Variants in FMR1 observed in about 807,000 individuals in gnomAD.
FMR1 encodes the protein fragile X messenger ribonucleoprotein 1.
In FMR1, 13 loss-of-function variants were observed where a neutral mutation model predicts 50.6. The observed-to-expected ratio is 0.26, with a 90% confidence interval of 0.17 to 0.41. The LOEUF (loss-of-function observed/expected upper bound fraction) is 0.41, where lower values mean the gene tolerates loss of function less well. Ranked by LOEUF, FMR1 falls within the 10% of genes least tolerant of loss-of-function variation. The pLI is 1.00. For missense variants in FMR1, 316 were observed against 491.3 expected (o/e 0.64, Z 3.37); for synonymous variants, 138 against 164.1 (o/e 0.84, Z 1.22).
rs1418702847 is a variant in FMR1, at chrX:147,938,107, G to A, written c.1134G>A (p.Val378=). Residue 378 remains valine, a synonymous_variant, in exon 12 of 17, where the codon GTG becomes GTA. Transcript: ENST00000370475. ...TCCTTATACTGCTTTAGGTGTTAGT[G>A]GCTTCATCAGTTGTAGCAGGGGAAT... The part of the protein sequence containing the change: ...PNSTKVQRVL[V]ASSVVAGESQ... The A allele has an allele frequency of 7.5e-6, 9 of 1,204,936 alleles. No homozygotes were observed. The South Asian group carries it at 1.4e-4, about 19-fold the overall frequency.
intron 12 of FMR1, among the ~76,000 whole-genome samples, chrX:147,938,831 T>A (rs1212947683): frequency 9.0e-6 from 1 of 111,684 alleles, no homozygotes; most frequent in Non-Finnish European, 1.9e-5. Context: ...AGCCCATTAT[T>A]CCAGAACACA....
intron 1 of FMR1, 27 bp from the exon 2 acceptor site, chrX:147,921,906 G>C: frequency 9.6e-7 from 1 of 1,046,972 alleles, no homozygotes; most frequent in Non-Finnish European, 1.3e-6. Flanking sequence ...AAGCTCACAA[G>C]TTAATTTAAC....
intron 14 of FMR1, 150 bp downstream of exon 14, chrX:147,943,476 A>C (rs902442602): frequency 1.9e-6 from 1 of 514,127 alleles, no homozygotes; most frequent in Non-Finnish European, 3.3e-6. Context: ...GGAGACATAG[A>C]GTAAAAACCT....
chrX:147,917,295 C>A (rs1437147504), intron 1 of FMR1, among the ~76,000 whole-genome samples: 3 of 111,873 alleles, frequency 2.7e-5, no homozygotes, highest in African/African-American at 9.8e-5. Context: ...GATGGACTTT[C>A]TGTCTTTGTT....
chrX:147,934,639 C>T (rs2043726781), intron 9 of FMR1, among the ~76,000 whole-genome samples: 1 of 111,584 alleles, frequency 9.0e-6, no homozygotes, highest in African/African-American at 3.3e-5. Flanking sequence ...CCTGTGGTTA[C>T]CTGGAAAGAA....
intron 14 of FMR1, 63 bp from the exon 15 acceptor site, chrX:147,944,806 G>A: frequency 1.9e-6 from 2 of 1,063,814 alleles, no homozygotes; most frequent in Non-Finnish European, 2.4e-6. Context: ...GGAAGCTTCT[G>A]TTAACCCTCT....
chrX:147,915,102 G>A (rs1557174866), intron 1 of FMR1, among the ~76,000 whole-genome samples: 1 of 111,482 alleles, frequency 9.0e-6, no homozygotes, highest in African/African-American at 3.3e-5. Context: ...GTTGTAATAT[G>A]GTGTAATTAT....
At chrX:147,924,619 C>T (rs1256967678) in intron 2 of FMR1, among the ~76,000 whole-genome samples, 4 of 106,016 alleles carry the variant, frequency 3.8e-5, no homozygotes, top group African/African-American at 1.4e-4. Flanking sequence ...TTGAGCTATC[C>T]TCCCACCTCA....
At chrX:147,932,090 C>T (rs534518883) in intron 7 of FMR1, among the ~76,000 whole-genome samples, 2 of 111,558 alleles carry the variant, frequency 1.8e-5, no homozygotes, top group African/African-American at 6.5e-5. Flanking sequence ...CTGGTTTTTA[C>T]TGGGGAACAT....
chrX:147,931,057 T>C (rs1569545695), intron 7 of FMR1: 1 of 111,703 alleles, frequency 9.0e-6, no homozygotes, highest in Non-Finnish European at 1.9e-5. Flanking sequence ...AGGGGAAAAG[T>C]TTAATCTCCT....
At chrX:147,935,938 C>T (rs1427568907) in intron 9 of FMR1, among the ~76,000 whole-genome samples, 1 of 111,801 alleles carries the variant, frequency 8.9e-6, no homozygotes, top group Admixed American at 9.5e-5. Flanking sequence ...AATTTGTATT[C>T]CTTTTGGATG....
intron 10 of FMR1, among the ~76,000 whole-genome samples, 200 bp downstream of exon 10, chrX:147,936,813 T>C (rs1210977700): frequency 8.9e-6 from 1 of 111,861 alleles, no homozygotes; most frequent in African/African-American, 3.2e-5. Flanking sequence ...TTAGTCACTT[T>C]ATTGAATTCT....
chrX:147,935,484 A>T (rs968202231), intron 9 of FMR1, among the ~76,000 whole-genome samples: 4 of 112,592 alleles, frequency 3.6e-5, no homozygotes, highest in Admixed American at 9.4e-5. Context: ...AAAAAATGGA[A>T]GATGAGATGG....
At chrX:147,921,418 C>T (rs1186866487) in intron 1 of FMR1, among the ~76,000 whole-genome samples, 1 of 110,368 alleles carries the variant, frequency 9.1e-6, no homozygotes, top group African/African-American at 3.3e-5. Flanking sequence ...GTGTTGTTTG[C>T]AGCATATGAT....
chrX:147,933,221 C>G (rs1471046265), intron 9 of FMR1, among the ~76,000 whole-genome samples: 1 of 110,592 alleles, frequency 9.0e-6, no homozygotes, highest in Non-Finnish European at 1.9e-5. Flanking sequence ...TAGTTCAAAC[C>G]TACTAATACC....
chrX:147,913,110 A>AT (rs1321208331), intron 1 of FMR1: 144 of 132,015 alleles, frequency 1.1e-3, no homozygotes, highest in Middle Eastern at 3.0e-3. Flanking sequence ...TTACTAGGGC[A>AT]TTTTTTTTTT....
chrX:147,919,575 C>T (rs2043055406), intron 1 of FMR1, among the ~76,000 whole-genome samples: 1 of 112,461 alleles, frequency 8.9e-6, no homozygotes, highest in South Asian at 3.6e-4. Flanking sequence ...GATTTCTCCC[C>T]TTTTGAACCA....
chrX:147,949,785 CTT>C lies in FMR1; in HGVS notation c.*951_*952del, dbSNP rs782514950. 1.8e-5 allele frequency: 5 copies of C among 279,875 alleles called. No homozygotes were observed. The highest frequency in any genetic ancestry group is 8.8e-5 in the African/African-American group (3 of 34,000). The allele number at this position is 279,875 out of a possible 1,213,427, so 23.1% of individuals were successfully genotyped here. On this transcript the variant is annotated 3_prime_UTR_variant, in exon 17 of 17. Coordinates refer to ENST00000370475, the MANE Select transcript of FMR1 (RefSeq NM_002024.6). ...CCTGATGACCAATTTTAACTTAGAG[CTT>C]TTTTTTTTTAATTTTGTCTGCCCCA...
Position 147,950,856 on chromosome X carries a change from A to G in FMR1, c.*2012A>G, listed in dbSNP as rs1159117490. 6.5e-6 allele frequency: 2 copies of G among 308,182 alleles called. No individual in the cohort carries two copies. Among genetic ancestry groups the G allele is most frequent in the African/African-American group, 5.5e-5 (2 of 36,682 alleles). The allele number at this position is 308,182 out of a possible 1,213,427, so 25.4% of individuals were successfully genotyped here. ...ACCACAGTGTACCATTAAAATATGC[A>G]CTAAGTCTCTTTTTTACAAAGGCTG... is the stretch of plus-strand genomic sequence containing the variant. On this transcript the variant is annotated 3_prime_UTR_variant, in exon 17 of 17. Transcript: ENST00000370475.
Sources: gnomAD v4.1 joint callset for allele counts (sites outside exome capture counted in the v4.1 genomes callset) on GRCh38, gnomAD v4.1.1 for gene constraint, MANE v1.5 for transcripts, NCBI Gene and HGNC (gene_info 2026-07-23, HGNC 2026-07-21) for gene names.